The following PLEKHA6 variants were observed in gnomAD, a reference collection of about 807,000 sequenced individuals.
The protein encoded by PLEKHA6 is pleckstrin homology domain containing A6.
PLEKHA6 carries 60 observed loss-of-function variants against 116.7 expected under a neutral mutation model. The observed-to-expected ratio is 0.51, with a 90% CI of 0.42 to 0.64. The LOEUF is 0.64. PLEKHA6 is among the 30% of genes least tolerant of loss of function. The pLI is 0.00. For synonymous variants in PLEKHA6, 489 were observed against 556.1 expected (o/e 0.88, Z 1.70); for missense variants, 1,338 against 1,422.7 (o/e 0.94, Z 0.96).
intron 9 of PLEKHA6, 147 bp from the exon 10 acceptor site, chr1:204,250,761 T>G: frequency 2.9e-6 from 2 of 689,898 alleles, no homozygotes; most frequent in Non-Finnish European, 5.3e-6. Context: ...CCTGAGCTCA[T>G]TCCACATCCC....
chr1:204,340,527 A>G (rs1449926258), intron 1 of PLEKHA6, among the ~76,000 whole-genome samples: 1 of 152,214 alleles, frequency 6.6e-6, no homozygotes. Context: ...TCCCAGAACC[A>G]GGCAAGCGAT....
In PLEKHA6 at chr1:204,259,713, G is replaced by T. The variant is rs751269867; in HGVS notation, c.552C>A (p.Val184=). 7 of 1,612,460 alleles carry T rather than the reference G, an allele frequency of 4.3e-6. No homozygotes were observed. The East Asian group carries it at 1.1e-4, about 26-fold the overall frequency. Residue 184 remains valine (V), a synonymous_variant, in exon 8 of 23, where the codon GTC becomes GTA. Transcript: ENST00000272203. This position sits in a 1 kb window ranked among gnomAD's most constrained non-coding sequence, Gnocchi z 4.6. ...GCTGCTGGTGGTGCTTGCTGGGTGG[G>T]ACGTTCTCCGAGTCTGGCTTCTCAT... ...HSHEKPDSEN[V]PPSKHHQQPP... is the part of the protein sequence containing the mutation.
chr1:204,352,954 C>T (rs896872779), intron 1 of PLEKHA6, among the ~76,000 whole-genome samples: 1 of 152,188 alleles, frequency 6.6e-6, no homozygotes, highest in African/African-American at 2.4e-5. Flanking sequence ...CACTGCATTC[C>T]AGCCTGGGGG....
At chr1:204,268,371 G>T in intron 3 of PLEKHA6, 59 bp from the exon 4 acceptor site, 6 of 1,247,806 alleles carry the variant, frequency 4.8e-6, no homozygotes, top group African/African-American at 1.5e-5. Flanking sequence ...TGCTTTATCT[G>T]CAAGGGAGCC....
intron 17 of PLEKHA6, 27 bp from the exon 18 acceptor site, chr1:204,230,613 G>C (rs377022549): frequency 6.4e-7 from 1 of 1,572,872 alleles, no homozygotes; most frequent in Non-Finnish European, 8.6e-7. Flanking sequence ...ACAGGGCTCT[G>C]ACAAGTGCCT....
intron 1 of PLEKHA6, among the ~76,000 whole-genome samples, chr1:204,291,490 C>T (rs1032325145): frequency 6.6e-6 from 1 of 152,188 alleles, no homozygotes; most frequent in African/African-American, 2.4e-5. Flanking sequence ...TTCACAGCAG[C>T]CTTATTTGTG....
At chr1:204,256,077 CAG>C (rs1157610751) in intron 9 of PLEKHA6, among the ~76,000 whole-genome samples, 1 of 152,162 alleles carries the variant, frequency 6.6e-6, no homozygotes, top group African/African-American at 2.4e-5. Flanking sequence ...TGGACACTGG[CAG>C]AGTGAGAATC....
intron 17 of PLEKHA6, among the ~76,000 whole-genome samples, chr1:204,235,932 C>G (rs1386783131): frequency 6.6e-6 from 1 of 152,174 alleles, no homozygotes; most frequent in South Asian, 2.1e-4. Context: ...AATGTTGATT[C>G]TCTTTGAGAG....
At chr1:204,226,405 G>A (rs959044979) in intron 21 of PLEKHA6, among the ~76,000 whole-genome samples, 2 of 152,314 alleles carry the variant, frequency 1.3e-5, no homozygotes, top group African/African-American at 4.8e-5. Context: ...AGTAGAGAGC[G>A]CCAGGGGCTG....
chr1:204,243,193 G>A (rs1007931893), intron 15 of PLEKHA6: 22 of 399,214 alleles, frequency 5.5e-5, no homozygotes, highest in Admixed American at 4.4e-4. Context: ...GCTAGGGAGT[G>A]GAGGGACGGC....
At chr1:204,323,984 C>A (rs1379820524) in intron 1 of PLEKHA6, among the ~76,000 whole-genome samples, 1 of 152,156 alleles carries the variant, frequency 6.6e-6, no homozygotes, top group Non-Finnish European at 1.5e-5. Context: ...TCCATGAGAT[C>A]ACTCAATTCT....
chr1:204,250,683 A>G, intron 9 of PLEKHA6, 69 bp from the exon 10 acceptor site: 2 of 1,042,340 alleles, frequency 1.9e-6, no homozygotes. Context: ...GGAAGCTAAC[A>G]TCACAATCCC....
chr1:204,311,142 C>T (rs1338914788), intron 1 of PLEKHA6, among the ~76,000 whole-genome samples: 1 of 152,198 alleles, frequency 6.6e-6, no homozygotes, highest in African/African-American at 2.4e-5. Context: ...CGCTTGAACT[C>T]CTGCAGAGAC....
Position 204,274,816 on chromosome 1 carries a change from A to G in PLEKHA6, c.-94-7T>C, listed in dbSNP as rs1667840379. 9 of 985,888 alleles carry G rather than the reference A, an allele frequency of 9.1e-6. No homozygotes were observed. The highest frequency in any genetic ancestry group is 1.1e-5 in the Non-Finnish European group (9 of 829,936). The allele number at this position is 985,888 out of a possible 1,614,324, so 61.1% of individuals were successfully genotyped here. A position where few individuals can be genotyped will look rare whatever the true frequency, so the allele number is the denominator to read the frequency against. On this transcript the variant is annotated splice_region_variant and splice_polypyrimidine_tract_variant and intron_variant, in intron 1 of 22. Transcript: ENST00000272203. ...GTTCCGTCTTTCATTGTGGCTGTAG[A>G]GGGAAAAACAGAAGAGTTGTGGTAA...
intron 1 of PLEKHA6, among the ~76,000 whole-genome samples, chr1:204,342,359 A>C (rs1367996458): frequency 3.3e-5 from 5 of 152,230 alleles, no homozygotes; most frequent in Admixed American, 6.5e-5. Flanking sequence ...CTTTATTATG[A>C]GCATTCCAAG....
intron 1 of PLEKHA6, among the ~76,000 whole-genome samples, chr1:204,327,949 G>A (rs1273648388): frequency 6.6e-6 from 1 of 152,182 alleles, no homozygotes; most frequent in Non-Finnish European, 1.5e-5. Flanking sequence ...TGACTTCTCT[G>A]GATAAAACCT....
intron 1 of PLEKHA6, among the ~76,000 whole-genome samples, chr1:204,320,869 A>G (rs1244462519): frequency 1.3e-5 from 2 of 152,202 alleles, no homozygotes; most frequent in African/African-American, 4.8e-5. Flanking sequence ...TACATTCTGC[A>G]AAGCCTGCCT....
chr1:204,368,517 G>C (rs577615987), intron 2 of PLEKHA6: 1 of 152,274 alleles, frequency 6.6e-6, no homozygotes, highest in East Asian at 1.9e-4. Context: ...CTCAGTGTGA[G>C]CAAGGAAGTT....
At chr1:204,376,639 G>A (rs917089909) in intron 1 of PLEKHA6, among the ~76,000 whole-genome samples, 23 of 152,130 alleles carry the variant, frequency 1.5e-4, no homozygotes, top group African/African-American at 5.3e-4. Context: ...CAGCAGATGC[G>A]GGGCTGAGTC....
Sources: gnomAD v4.1 joint callset for allele counts (sites outside exome capture counted in the v4.1 genomes callset) on GRCh38, gnomAD v4.1.1 for gene constraint, Gnocchi (gnomAD v3.1) non-coding constraint, MANE v1.5 for transcripts, NCBI Gene and HGNC (gene_info 2026-07-23, HGNC 2026-07-21) for gene names.